Variants in GRHL2 observed in about 807,000 individuals in gnomAD.
The protein encoded by GRHL2 is grainyhead like transcription factor 2, also known as grainyhead-like protein 2 homolog.
GRHL2 carries 21 observed loss-of-function variants against 83.8 expected under a neutral mutation model. The observed-to-expected ratio is 0.25, with a 90% CI of 0.18 to 0.36. GRHL2 has a LOEUF of 0.36. Ranked by LOEUF, GRHL2 falls within the 10% of genes least tolerant of loss-of-function variation. GRHL2 has a pLI of 1.00. For synonymous variants in GRHL2, 280 were observed against 278.9 expected (o/e 1.00, Z -0.04); for missense variants, 623 against 781.8 (o/e 0.80, Z 2.42).
chr8:101,651,875 A>G (rs4734564), intron 14 of GRHL2, among the ~76,000 whole-genome samples: 19,956 of 152,200 alleles, frequency 0.13, 1,372 homozygotes, highest in South Asian at 0.25. Flanking sequence ...AAGCACCAAC[A>G]CAGGCTATCT....
intron 1 of GRHL2, among the ~76,000 whole-genome samples, chr8:101,525,831 G>A (rs1288567164): frequency 6.6e-6 from 1 of 152,178 alleles, no homozygotes; most frequent in Non-Finnish European, 1.5e-5. Context: ...TTAGCTGGGT[G>A]TGGTGGCACA....
intron 1 of GRHL2, among the ~76,000 whole-genome samples, chr8:101,541,147 GGTGTGTGTGTGTGTGTGTGTGTGTGT>G (rs56763374): frequency 6.9e-6 from 1 of 144,258 alleles, no homozygotes; most frequent in African/African-American, 2.6e-5. Context: ...ACTATTTCAT[GGTGTGTGTGTGTGTGTGTGTGTGTGT>G]GTGTGTGTGT....
chr8:101,534,451 C>CA (rs1030629109), intron 1 of GRHL2, among the ~76,000 whole-genome samples: 1 of 151,988 alleles, frequency 6.6e-6, no homozygotes, highest in Non-Finnish European at 1.5e-5. Flanking sequence ...GAGAGACTTA[C>CA]AAAGATGGAA....
chr8:101,645,841 C>T (rs529946165), intron 13 of GRHL2, among the ~76,000 whole-genome samples: 15 of 152,220 alleles, frequency 9.9e-5, no homozygotes, highest in African/African-American at 3.4e-4. Flanking sequence ...ATAAATGCTA[C>T]GTTAGAAACA....
intron 9 of GRHL2, among the ~76,000 whole-genome samples, chr8:101,625,131 T>TCTA (rs1813055839): frequency 4.6e-5 from 7 of 152,174 alleles, no homozygotes; most frequent in African/African-American, 1.7e-4. Context: ...TTACTTTATT[T>TCTA]CAGATATTCC....
rs992316634 is a variant in GRHL2 at position 101,600,647 on chromosome 8, T to G, written c.1098+1496T>G. On this transcript the variant is annotated intron_variant, in intron 8 of 15. Coordinates refer to ENST00000646743, the MANE Select transcript of GRHL2 (RefSeq NM_024915.4). ...GTCATCCTGAGCAAGTTATCTGACC[T>G]CTCTGGGCCTCGGTTCTGGCATGCA... 3.3e-5 allele frequency among the ~76,000 whole-genome samples: 5 copies of G among 152,206 alleles called. No individual in the cohort carries two copies. The South Asian group carries it at 1.0e-3, about 31-fold the overall frequency.
chr8:101,519,943 T>A (rs1810649673), intron 1 of GRHL2, among the ~76,000 whole-genome samples: 1 of 152,206 alleles, frequency 6.6e-6, no homozygotes, highest in African/African-American at 2.4e-5. Flanking sequence ...TAGTTCTTAT[T>A]TTCCTAATAG....
At chr8:101,579,769 T>A (rs866816047) in intron 7 of GRHL2, among the ~76,000 whole-genome samples, 5 of 152,236 alleles carry the variant, frequency 3.3e-5, no homozygotes, top group African/African-American at 1.2e-4. Flanking sequence ...CTGGCACATA[T>A]GTCTGCCTGT....
In GRHL2 at chr8:101,502,162, A is replaced by T. The variant is rs370700451; in HGVS notation, c.20+9373A>T. Among the ~76,000 whole-genome samples, 29 of 152,306 alleles carry T rather than the reference A, an allele frequency of 1.9e-4. No individual in the cohort carries two copies. The East Asian group carries it at 3.9e-3, about 20-fold the overall frequency. On this transcript the variant is annotated intron_variant, in intron 1 of 15. Transcript: ENST00000646743. ...CTCTTTCCTGCATTGCCAATAAGAT[A>T]ATTAACATAAGATCAGAAGATTCTT...
intron 5 of GRHL2, among the ~76,000 whole-genome samples, chr8:101,571,862 A>C (rs1811835219): frequency 6.6e-6 from 1 of 152,156 alleles, no homozygotes; most frequent in Non-Finnish European, 1.5e-5. Flanking sequence ...ATAGGAGTCT[A>C]ATTTGCGTGC....
intron 4 of GRHL2, among the ~76,000 whole-genome samples, chr8:101,562,764 C>T (rs769460285): frequency 1.4e-4 from 21 of 152,204 alleles, no homozygotes; most frequent in Non-Finnish European, 2.9e-4. Context: ...CTCAGATCAG[C>T]TTCTTCACTG....
At chr8:101,669,760 T>A (rs1814171839), downstream of GRHL2, 1 of 152,074 alleles carries the variant, frequency 6.6e-6, no homozygotes, top group Non-Finnish European at 1.5e-5. Context: ...GCAGCCAGTG[T>A]TGGGGATTTT....
intron 1 of GRHL2, among the ~76,000 whole-genome samples, chr8:101,536,417 T>C (rs1476232288): frequency 6.6e-6 from 1 of 152,206 alleles, no homozygotes; most frequent in Non-Finnish European, 1.5e-5. Context: ...GAAAGAATAA[T>C]AGCTAGCATG....
intron 7 of GRHL2, among the ~76,000 whole-genome samples, chr8:101,598,163 A>T (rs933658488): frequency 3.3e-5 from 5 of 152,158 alleles, no homozygotes; most frequent in Non-Finnish European, 7.3e-5. Flanking sequence ...TAGTAACCAA[A>T]TAAAGTCATA....
At chr8:101,544,500 T>C (rs1811219984) in intron 2 of GRHL2, among the ~76,000 whole-genome samples, 1 of 152,232 alleles carries the variant, frequency 6.6e-6, no homozygotes, top group Non-Finnish European at 1.5e-5. Context: ...CATAAAGAAC[T>C]ATGCCTGGTA....
intron 14 of GRHL2, among the ~76,000 whole-genome samples, chr8:101,662,634 G>C (rs1424077004): frequency 2.0e-5 from 3 of 152,196 alleles, no homozygotes; most frequent in Non-Finnish European, 4.4e-5. Context: ...GAGTTGATTT[G>C]GGAGTAGAGA....
chr8:101,507,897 C>A (rs909388899), intron 1 of GRHL2, among the ~76,000 whole-genome samples: 1 of 136,502 alleles, frequency 7.3e-6, no homozygotes, highest in African/African-American at 3.2e-5. Context: ...CGTGCCTTAG[C>A]CTCTTGAATC....
At chr8:101,632,427 T>G (rs1353495312) in intron 11 of GRHL2, 62 bp downstream of exon 11, 1 of 1,594,850 alleles carries the variant, frequency 6.3e-7, no homozygotes, top group African/African-American at 1.3e-5. Context: ...GGCTTTAAGA[T>G]AGAAGCATTT....
At chr8:101,547,851 A>G (rs1043182873) in intron 2 of GRHL2, among the ~76,000 whole-genome samples, 4 of 152,242 alleles carry the variant, frequency 2.6e-5, no homozygotes, top group African/African-American at 9.6e-5. Context: ...ATTCTAGCCC[A>G]GTTCTCTATC....
Sources: allele counts gnomAD v4.1 joint callset (sites outside exome capture counted in the v4.1 genomes callset), GRCh38; gene constraint gnomAD v4.1.1; transcripts MANE v1.5; gene names NCBI Gene and HGNC (gene_info 2026-07-23, HGNC 2026-07-21).